Variants in ASTN1 observed in about 807,000 individuals in gnomAD.
ASTN1 encodes the protein astrotactin 1.
Under a neutral mutation model 140.7 loss-of-function variants are expected in ASTN1, and 41 were observed. The observed-to-expected ratio is 0.29, with a 90% CI of 0.23 to 0.38. The LOEUF is 0.38. ASTN1 is among the 10% of genes least tolerant of loss of function. The pLI, the probability that ASTN1 is intolerant of heterozygous loss-of-function variation, is 1.00. For synonymous variants in ASTN1, 640 were observed against 652.2 expected (o/e 0.98, Z 0.29); for missense variants, 1,479 against 1,678.8 (o/e 0.88, Z 2.08).
chr1:176,944,260 A>G (rs866394846), intron 13 of ASTN1, among the ~76,000 whole-genome samples: 5 of 151,800 alleles, frequency 3.3e-5, no homozygotes, highest in Non-Finnish European at 2.9e-5. Context: ...CCCACAATGT[A>G]AAATTATTAT....
At chr1:177,133,708 G>T (rs1682046324) in intron 1 of ASTN1, among the ~76,000 whole-genome samples, 1 of 152,106 alleles carries the variant, frequency 6.6e-6, no homozygotes, top group African/African-American at 2.4e-5. Flanking sequence ...CATCCAAAAG[G>T]GTGGGAATAA....
intron 21 of ASTN1, among the ~76,000 whole-genome samples, chr1:176,871,741 T>C (rs1668353317): frequency 6.6e-6 from 1 of 152,232 alleles, no homozygotes; most frequent in East Asian, 1.9e-4. Context: ...TTTATTTTGT[T>C]AGTCTTCATA....
chr1:177,010,019 G>A (rs1308386757), intron 8 of ASTN1, among the ~76,000 whole-genome samples: 5 of 152,066 alleles, frequency 3.3e-5, no homozygotes, highest in African/African-American at 1.2e-4. Flanking sequence ...TGTATCTAGA[G>A]GCCCTTGGGT....
intron 1 of ASTN1, among the ~76,000 whole-genome samples, chr1:177,140,671 A>C (rs78943780): frequency 6.6e-6 from 1 of 152,190 alleles, no homozygotes; most frequent in Non-Finnish European, 1.5e-5. Flanking sequence ...GGGTTCTCTC[A>C]TCTAAGCCAG....
intron 1 of ASTN1, among the ~76,000 whole-genome samples, chr1:177,079,726 C>T (rs569999513): frequency 6.6e-6 from 1 of 152,186 alleles, no homozygotes; most frequent in East Asian, 1.9e-4. Context: ...ACTGTCCTCA[C>T]TTTACAGATG....
intron 8 of ASTN1, among the ~76,000 whole-genome samples, chr1:176,966,615 A>G (rs565332144): frequency 6.6e-6 from 1 of 152,304 alleles, no homozygotes; most frequent in South Asian, 2.1e-4. Context: ...GAGGTTACAC[A>G]TTGTATAATC....
In ASTN1 at chr1:177,164,498, G is replaced by A. The variant is rs781476869; in HGVS notation, c.179C>T (p.Ser60Leu). ...ENDLSIMHSP[S>L]ASEPKLLFSV... Reference sequence around the variant, plus strand: ...GAAGAGGAGCTTGGGCTCCGAGGCCGAGGGGCTGTGCATGATGCTCAGGTC... The same window carrying A: ...GAAGAGGAGCTTGGGCTCCGAGGCCAAGGGGCTGTGCATGATGCTCAGGTC... The change falls in exon 1 of 23, where the codon TCG becomes TTG. Residue 60 changes from serine to leucine, a missense_variant. Physicochemically the swap from Ser to Leu is moderately radical, Grantham distance 145. Transcript: ENST00000361833. 3.1e-6 allele frequency: 5 copies of A among 1,613,818 alleles called. No homozygotes were observed. The highest frequency in any genetic ancestry group is 4.2e-6 in the Non-Finnish European group (5 of 1,179,950).
At position 176,868,764 on chromosome 1, in the gene ASTN1, T is replaced by G. The variant is rs929810653; in HGVS notation, c.3647+80A>C. ...AGCTCATCCAGGAAATCTCTACAAC[T>G]TCATGGATGCAGTATTACGGCACAA... is the stretch of plus-strand genomic sequence containing the variant. On this transcript the variant is annotated intron_variant, in intron 22 of 22. Coordinates refer to ENST00000361833, the MANE Select transcript of ASTN1 (RefSeq NM_004319.3). 1.1e-4 allele frequency: 160 copies of G among 1,412,156 alleles called. No individual in the cohort carries two copies. In the African/African-American group the frequency reaches 1.4e-3, roughly 12 times the overall value. The allele number at this position is 1,412,156 out of a possible 1,614,324, so 87.5% of individuals were successfully genotyped here.
At chr1:177,089,099 T>A (rs1679617071) in intron 1 of ASTN1, among the ~76,000 whole-genome samples, 1 of 152,178 alleles carries the variant, frequency 6.6e-6, no homozygotes, top group Admixed American at 6.5e-5. Context: ...TGATTTTTCT[T>A]GGCTATATAA....
intron 7 of ASTN1, among the ~76,000 whole-genome samples, chr1:177,017,180 C>T (rs1394615282): frequency 6.6e-6 from 1 of 152,200 alleles, no homozygotes; most frequent in African/African-American, 2.4e-5. Context: ...TAGTCATTAT[C>T]TCCTTATGAG....
intron 16 of ASTN1, among the ~76,000 whole-genome samples, chr1:176,919,611 A>T (rs1461988213): frequency 6.6e-6 from 1 of 152,226 alleles, no homozygotes; most frequent in Admixed American, 6.5e-5. Context: ...GGGAGTTGTA[A>T]ACAAGTAGAG....
intron 7 of ASTN1, among the ~76,000 whole-genome samples, chr1:177,016,891 T>A (rs910777042): frequency 2.6e-5 from 4 of 152,232 alleles, no homozygotes; most frequent in African/African-American, 9.6e-5. Context: ...GTTGTCCTTC[T>A]GTGGACAATT....
chr1:176,894,071 C>T (rs949436649), intron 17 of ASTN1, among the ~76,000 whole-genome samples: 1 of 152,158 alleles, frequency 6.6e-6, no homozygotes, highest in African/African-American at 2.4e-5. Context: ...AGAAAACCAA[C>T]CCCTTCCAGG....
chr1:177,130,337 A>T (rs1032808109), intron 1 of ASTN1, among the ~76,000 whole-genome samples: 1 of 151,908 alleles, frequency 6.6e-6, no homozygotes, highest in African/African-American at 2.4e-5. Context: ...GAGCAAGTGT[A>T]CCCTCCCGCC....
chr1:176,894,257 T>C (rs1669395140), intron 17 of ASTN1, among the ~76,000 whole-genome samples: 1 of 152,180 alleles, frequency 6.6e-6, no homozygotes. Context: ...ACGAGGGTTC[T>C]CTGAACAATG....
intron 2 of ASTN1, among the ~76,000 whole-genome samples, chr1:177,055,191 A>G (rs1236217840): frequency 1.3e-5 from 2 of 152,218 alleles, no homozygotes; most frequent in South Asian, 2.1e-4. Context: ...CACTCTTCCA[A>G]CTGTAAATCC....
chr1:177,136,028 T>C (rs929777039), intron 1 of ASTN1, among the ~76,000 whole-genome samples: 2 of 152,234 alleles, frequency 1.3e-5, no homozygotes, highest in African/African-American at 4.8e-5. Context: ...AGATGACCTC[T>C]CTTCCTGAAG....
chr1:176,902,824 C>G (rs1327699040), intron 16 of ASTN1, among the ~76,000 whole-genome samples: 1 of 152,208 alleles, frequency 6.6e-6, no homozygotes, highest in East Asian at 1.9e-4. Context: ...ACAAATTGCT[C>G]AGCGAGGCAG....
At chr1:177,119,430 C>T (rs548506351) in intron 1 of ASTN1, among the ~76,000 whole-genome samples, 3 of 152,324 alleles carry the variant, frequency 2.0e-5, no homozygotes, top group South Asian at 2.1e-4. Context: ...TTCTCTGGTT[C>T]GGTAGCACTA....
Sources: allele counts gnomAD v4.1 joint callset (sites outside exome capture counted in the v4.1 genomes callset), GRCh38; gene constraint gnomAD v4.1.1; transcripts MANE v1.5; gene names NCBI Gene and HGNC (gene_info 2026-07-23, HGNC 2026-07-21).